Variants in CDH22 observed in about 807,000 individuals in gnomAD.
CDH22 encodes the protein cadherin 22.
Under a neutral mutation model 58.4 loss-of-function variants are expected in CDH22, and 30 were observed. That is an observed-to-expected ratio of 0.51 (90% CI 0.38 to 0.70). CDH22 has a LOEUF of 0.70. Ranked by LOEUF, CDH22 falls within the 30% of genes least tolerant of loss-of-function variation. The probability of loss-of-function intolerance (pLI) is 0.00; values close to 1 mark genes in which losing one functional copy is unlikely to be tolerated. For missense variants in CDH22, 1,014 were observed against 1,233.9 expected (o/e 0.82, Z 2.67); for synonymous variants, 513 against 558.2 (o/e 0.92, Z 1.14).
In CDH22 at chr20:46,210,191, A is replaced by G; in HGVS notation, c.1286+116T>C. Reference sequence around the variant, plus strand: ...CTCTCCGCGCCTCCCTCCCCCACGCAGCCCCTTCCTTCGGCCCTGCCCGCC... The same window carrying G: ...CTCTCCGCGCCTCCCTCCCCCACGCGGCCCCTTCCTTCGGCCCTGCCCGCC... On this transcript the variant is annotated intron_variant, in intron 7 of 11. Coordinates refer to ENST00000537909, the MANE Select transcript of CDH22 (RefSeq NM_021248.3). The surrounding 1 kb of genome is among the most constrained non-coding windows in gnomAD (Gnocchi z 4.5). The G allele has an allele frequency of 9.1e-7, 1 of 1,098,314 alleles. No homozygotes were observed. Among genetic ancestry groups the G allele is most frequent in the Non-Finnish European group, 1.2e-6 (1 of 838,444 alleles). The allele number at this position is 1,098,314 out of a possible 1,614,324, so 68.0% of individuals were successfully genotyped here.
intron 1 of CDH22, among the ~76,000 whole-genome samples, chr20:46,292,406 T>G (rs2086608157): frequency 6.6e-6 from 1 of 152,190 alleles, no homozygotes; most frequent in Non-Finnish European, 1.5e-5. Flanking sequence ...AGACCAGATT[T>G]CAAATCCTAG....
At chr20:46,294,713 G>A (rs1348215755) in intron 1 of CDH22, among the ~76,000 whole-genome samples, 1 of 152,312 alleles carries the variant, frequency 6.6e-6, no homozygotes, top group South Asian at 2.1e-4. Flanking sequence ...GTGGGTAGGT[G>A]GGGGCTTGGG....
intron 10 of CDH22, among the ~76,000 whole-genome samples, chr20:46,184,103 CT>C (rs34100273): frequency 4.2e-3 from 614 of 145,508 alleles, no homozygotes; most frequent in Middle Eastern, 0.011. Flanking sequence ...TTCTCTCTCT[CT>C]TTTTTTTTTT....
intron 1 of CDH22, among the ~76,000 whole-genome samples, chr20:46,287,764 A>C (rs1445987425): frequency 1.3e-5 from 2 of 152,000 alleles, no homozygotes; most frequent in African/African-American, 4.8e-5. Flanking sequence ...TTCTGTTTGG[A>C]ACTCACCCAG....
rs377315839 is a variant in CDH22, at chr20:46,177,896, G to T, written c.1915+50C>A. 4 of 1,595,726 alleles carry T rather than the reference G, an allele frequency of 2.5e-6. No homozygotes were observed. The African/African-American group carries it at 4.0e-5, about 16-fold the overall frequency. On this transcript the variant is annotated intron_variant, in intron 11 of 11. Coordinates refer to ENST00000537909, the MANE Select transcript of CDH22 (RefSeq NM_021248.3). The stretch of plus-strand genomic sequence containing the variant: ...GCTGGTTAGGAAGGAAACCCAGGAC[G>T]CCAGGATGGGGCCAATCAGGCAGGG...
chr20:46,206,081 C>T (rs1454946851), intron 7 of CDH22, among the ~76,000 whole-genome samples: 2 of 152,340 alleles, frequency 1.3e-5, no homozygotes, highest in African/African-American at 4.8e-5. Context: ...TCACTGGATT[C>T]GTTCACACGG....
At chr20:46,201,606 C>T (rs935520271) in intron 7 of CDH22, among the ~76,000 whole-genome samples, 4 of 152,120 alleles carry the variant, frequency 2.6e-5, no homozygotes, top group South Asian at 2.1e-4. Context: ...AGAGGAGGGG[C>T]GGGCATACAG....
chr20:46,250,917 A>G (rs1270914476), intron 2 of CDH22, 123 bp downstream of exon 2: 2 of 630,348 alleles, frequency 3.2e-6, no homozygotes, highest in Admixed American at 5.8e-5. Context: ...GTCCTTGGCT[A>G]GGGAGCAGAA....
Position 46,174,641 on chromosome 20 carries a change from C to G in CDH22, c.2352G>C (p.Ser784=). The change falls in exon 12 of 12, where the codon TCG becomes TCC. Residue 784 remains serine, a synonymous_variant. Coordinates refer to ENST00000537909, the MANE Select transcript of CDH22 (RefSeq NM_021248.3). This position sits in a 1 kb window ranked among gnomAD's most constrained non-coding sequence, Gnocchi z 4.4. ...ACGAGCCGCTGTGCAGGGAGCTGAG[C>G]GAGGCGGCCGGCGAGTCCGCGCCCT... The part of the protein sequence containing the change: ...AFEGADSPAA[S]LSSLHSGSSG... 1 of 1,552,896 alleles carries G rather than the reference C, an allele frequency of 6.4e-7. No homozygotes were observed. The highest frequency in any genetic ancestry group is 8.7e-7 in the Non-Finnish European group (1 of 1,155,186).
At chr20:46,204,393 C>CAAAA (rs3092239) in intron 7 of CDH22, among the ~76,000 whole-genome samples, 3 of 77,270 alleles carry the variant, frequency 3.9e-5, no homozygotes, top group Non-Finnish European at 7.3e-5. Flanking sequence ...GACTCTGTCT[C>CAAAA]AAAAAAAAAA....
At chr20:46,235,267 T>A (rs1456409772) in intron 3 of CDH22, among the ~76,000 whole-genome samples, 1 of 152,212 alleles carries the variant, frequency 6.6e-6, no homozygotes, top group African/African-American at 2.4e-5. Context: ...GGGAGACCTG[T>A]GAAATCCTCT....
chr20:46,253,767 G>A (rs1387497560), intron 1 of CDH22, among the ~76,000 whole-genome samples: 1 of 152,194 alleles, frequency 6.6e-6, no homozygotes, highest in Non-Finnish European at 1.5e-5. Flanking sequence ...CCAACAAGCA[G>A]CTCCAGGGCC....
At chr20:46,303,647 G>A (rs1197214200) in intron 1 of CDH22, among the ~76,000 whole-genome samples, 2 of 152,162 alleles carry the variant, frequency 1.3e-5, no homozygotes, top group Non-Finnish European at 2.9e-5. Context: ...ATTTGGGTTG[G>A]GTCCTTAATG....
chr20:46,240,978 C>T lies in CDH22; in HGVS notation c.535G>A (p.Glu179Lys). Reference protein sequence around the residue: ...LHGPYIGSVAELSPTGTSVMQ... With the variant: ...LHGPYIGSVAKLSPTGTSVMQ... ...CACAGCCCACCTGTAGGTGAGAGCT[C>T]GGCCACGCTGCCAATATAGGGGCCG... Residue 179 changes from glutamate (E) to lysine (K), a missense_variant, in exon 3 of 12, where the codon GAG (glutamate) becomes AAG (lysine). By Grantham distance (56) the Glu-to-Lys change is moderately conservative. This residue lies in a region of CDH22 where 806 missense variants were observed against 1,038.7 expected (regional missense o/e 0.78). Transcript: ENST00000537909. The T allele has an allele frequency of 3.1e-6, 5 of 1,612,296 alleles. No homozygotes were observed. The highest frequency in any genetic ancestry group is 4.2e-6 in the Non-Finnish European group (5 of 1,178,846).
chr20:46,307,106 GA>G (rs2086681277), intron 1 of CDH22, among the ~76,000 whole-genome samples: 1 of 152,206 alleles, frequency 6.6e-6, no homozygotes, highest in Non-Finnish European at 1.5e-5. Context: ...CAGCCCCACG[GA>G]AAAAGAAGCT....
intron 3 of CDH22, among the ~76,000 whole-genome samples, chr20:46,230,891 A>C (rs551969792): frequency 1.3e-5 from 2 of 152,288 alleles, no homozygotes; most frequent in South Asian, 4.1e-4. Flanking sequence ...TGCAGGAGAG[A>C]GGCAGGTTTC....
chr20:46,177,907 G>T lies in CDH22; in HGVS notation c.1915+39C>A, dbSNP rs1337853049. 3.7e-6 allele frequency: 6 copies of T among 1,604,280 alleles called. No individual in the cohort carries two copies. The East Asian group carries it at 1.3e-4, about 36-fold the overall frequency. On this transcript the variant is annotated intron_variant, in intron 11 of 11. Coordinates refer to ENST00000537909, the MANE Select transcript of CDH22 (RefSeq NM_021248.3). ...AGGAAACCCAGGACGCCAGGATGGG[G>T]CCAATCAGGCAGGGCTGGGTGGCTC... is the stretch of plus-strand genomic sequence containing the variant.
At chr20:46,192,982 T>G (rs1358121492) in intron 8 of CDH22, among the ~76,000 whole-genome samples, 1 of 152,052 alleles carries the variant, frequency 6.6e-6, no homozygotes, top group Admixed American at 6.5e-5. Context: ...TTCAGTGATC[T>G]ATTTGGTTTC....
intron 1 of CDH22, among the ~76,000 whole-genome samples, chr20:46,279,500 C>T (rs547817446): frequency 6.6e-5 from 10 of 152,240 alleles, no homozygotes; most frequent in East Asian, 3.9e-4. Flanking sequence ...CTTTCAAAAA[C>T]GTTGTTGGAG....
Sources: gnomAD v4.1 joint callset for allele counts (sites outside exome capture counted in the v4.1 genomes callset) on GRCh38, gnomAD v4.1.1 for gene constraint, gnomAD v4.1.1 regional missense constraint, Gnocchi (gnomAD v3.1) non-coding constraint, MANE v1.5 for transcripts, NCBI Gene and HGNC (gene_info 2026-07-23, HGNC 2026-07-21) for gene names.